ACTN2: variants seen among roughly 807,000 people sequenced by gnomAD.
ACTN2 encodes the protein alpha-actinin-2.
In ACTN2, 39 loss-of-function variants were observed where a neutral mutation model predicts 113.8. That is an observed-to-expected ratio of 0.34 (90% CI 0.27 to 0.45). ACTN2 has a LOEUF of 0.45. Among genes scored for constraint, ACTN2 ranks in the 20% least tolerant of loss-of-function variants. ACTN2 has a pLI of 1.00. For synonymous variants in ACTN2, 429 were observed against 444.1 expected (o/e 0.97, Z 0.43); for missense variants, 992 against 1,177.9 (o/e 0.84, Z 2.31).
intron 17 of ACTN2, among the ~76,000 whole-genome samples, chr1:236,757,186 CCTGGT>C: frequency 1.1e-5 from 1 of 94,798 alleles, no homozygotes; most frequent in Non-Finnish European, 2.2e-5. Flanking sequence ...CTGTTAGAAC[CCTGGT>C]AATAGAGTAT....
chr1:236,727,648 G>A (rs374108315), intron 5 of ACTN2, 30 bp from the exon 6 acceptor site: 119 of 1,612,012 alleles, frequency 7.4e-5, no homozygotes, highest in Non-Finnish European at 9.3e-5. Flanking sequence ...CCACTAACAC[G>A]TGTTCCTGTT....
At chr1:236,693,834 A>G (rs375831636) in intron 1 of ACTN2, among the ~76,000 whole-genome samples, 1 of 152,004 alleles carries the variant, frequency 6.6e-6, no homozygotes, top group Non-Finnish European at 1.5e-5. Context: ...TTCCTGATTC[A>G]AGTGTCTCTG....
intron 4 of ACTN2, among the ~76,000 whole-genome samples, chr1:236,722,634 CAAA>C (rs35608028): frequency 1.8e-5 from 2 of 112,104 alleles, no homozygotes; most frequent in African/African-American, 3.4e-5. Flanking sequence ...GACTCCGTCT[CAAA>C]AAAAAAAAAA....
chr1:236,753,776 G>C, intron 15 of ACTN2, 171 bp from the exon 16 acceptor site: 1 of 815,456 alleles, frequency 1.2e-6, no homozygotes, highest in Non-Finnish European at 2.1e-6. Flanking sequence ...GTAGTCCCTA[G>C]ACTAGGGACT....
chr1:236,735,303 A>G (rs915423527), intron 7 of ACTN2, among the ~76,000 whole-genome samples: 4 of 152,180 alleles, frequency 2.6e-5, no homozygotes, highest in African/African-American at 9.7e-5. Context: ...CGGAGTCACG[A>G]GGAAGGGGTA....
Position 236,732,769 on chromosome 1 carries a change from A to C in ACTN2, c.697+1455A>C, listed in dbSNP as rs532973129. 2.0e-5 allele frequency among the ~76,000 whole-genome samples: 3 copies of C among 152,258 alleles called. No individual in the cohort carries two copies. In the East Asian group the frequency reaches 5.8e-4, roughly 29 times the overall value. ...GTGAATATTTTCTTACAAGGATACC[A>C]GTCACATTGCATTAAGGGCCCATCC... On this transcript the variant is annotated intron_variant, in intron 7 of 20. Transcript: ENST00000366578.
chr1:236,736,176 A>C (rs1658868954), intron 8 of ACTN2, among the ~76,000 whole-genome samples: 1 of 152,262 alleles, frequency 6.6e-6, no homozygotes, highest in African/African-American at 2.4e-5. Context: ...GGAGGGGATA[A>C]CAGAGTTGGA....
chr1:236,688,348 A>G (rs1212907600), intron 1 of ACTN2, among the ~76,000 whole-genome samples: 1 of 151,134 alleles, frequency 6.6e-6, no homozygotes, highest in Non-Finnish European at 1.5e-5. Flanking sequence ...TTTGAAAGTG[A>G]TGGTCTAATC....
At chr1:236,732,699 T>A (rs1658747776) in intron 7 of ACTN2, among the ~76,000 whole-genome samples, 1 of 152,118 alleles carries the variant, frequency 6.6e-6, no homozygotes, top group Non-Finnish European at 1.5e-5. Flanking sequence ...TACTTCGGCC[T>A]CCCAAAGTGC....
intron 1 of ACTN2, among the ~76,000 whole-genome samples, chr1:236,712,584 A>G (rs755262620): frequency 2.6e-5 from 4 of 152,200 alleles, no homozygotes; most frequent in Non-Finnish European, 5.9e-5. Context: ...CGCTGAGCCC[A>G]GGAATTCAAA....
intron 1 of ACTN2, among the ~76,000 whole-genome samples, chr1:236,687,334 A>C (rs1008308778): frequency 4.6e-5 from 7 of 152,092 alleles, no homozygotes; most frequent in African/African-American, 1.7e-4. Context: ...ATTATTTCAC[A>C]CTCTATTTAT....
At chr1:236,734,445 C>T (rs1351766827) in intron 7 of ACTN2, 2 of 1,535,350 alleles carry the variant, frequency 1.3e-6, no homozygotes, top group Admixed American at 2.0e-5. Flanking sequence ...TTAGTATACA[C>T]TGCCAGACCC....
intron 1 of ACTN2, among the ~76,000 whole-genome samples, chr1:236,712,926 T>C (rs900076648): frequency 6.6e-6 from 1 of 152,080 alleles, no homozygotes; most frequent in African/African-American, 2.4e-5. Context: ...GTTGCTTTTT[T>C]TTTTTTTTAA....
chr1:236,713,298 G>T (rs1447035661), intron 1 of ACTN2, among the ~76,000 whole-genome samples: 1 of 151,638 alleles, frequency 6.6e-6, no homozygotes, highest in African/African-American at 2.4e-5. Flanking sequence ...CACGATCTTG[G>T]CTCACTGCAA....
chr1:236,694,636 A>G (rs1003147376), intron 1 of ACTN2, among the ~76,000 whole-genome samples: 1 of 152,162 alleles, frequency 6.6e-6, no homozygotes, highest in African/African-American at 2.4e-5. Flanking sequence ...CTTTTTTGGC[A>G]GTCTTTATGA....
chr1:236,736,403 C>G (rs572202401), intron 8 of ACTN2, among the ~76,000 whole-genome samples: 17 of 152,348 alleles, frequency 1.1e-4, no homozygotes, highest in African/African-American at 3.6e-4. Flanking sequence ...AAGGAAAGGC[C>G]TGGGGACAGG....
chr1:236,747,813 T>C (rs940674740), intron 13 of ACTN2, 38 bp downstream of exon 13: 6 of 1,443,792 alleles, frequency 4.2e-6, no homozygotes, highest in Non-Finnish European at 5.8e-6. Flanking sequence ...TGAAATCTTT[T>C]AATAGAAGCT....
At chr1:236,744,850 G>T (rs1168798662) in intron 12 of ACTN2, 74 bp downstream of exon 12, 7 of 1,604,412 alleles carry the variant, frequency 4.4e-6, no homozygotes, top group Non-Finnish European at 6.0e-6. Context: ...GGCCTGCCTT[G>T]CCTTTCCTGA....
At chr1:236,761,204 GC>G in intron 20 of ACTN2, 31 bp downstream of exon 20, 1 of 1,613,646 alleles carries the variant, frequency 6.2e-7, no homozygotes, top group South Asian at 1.1e-5. Flanking sequence ...TTCTGCTTTA[GC>G]AGGAGTCCAC....
Sources: allele counts gnomAD v4.1 joint callset (sites outside exome capture counted in the v4.1 genomes callset), GRCh38; gene constraint gnomAD v4.1.1; transcripts MANE v1.5; gene names NCBI Gene and HGNC (gene_info 2026-07-23, HGNC 2026-07-21).